The following PRICKLE4 variants were observed in gnomAD, a reference collection of about 807,000 sequenced individuals.
PRICKLE4 encodes prickle-like protein 4.
In PRICKLE4, 40 loss-of-function variants were observed where a neutral mutation model predicts 43.5. That is an observed-to-expected ratio of 0.92 (90% CI 0.71 to 1.20). The LOEUF (loss-of-function observed/expected upper bound fraction) is 1.20. Ranked by LOEUF, PRICKLE4 falls within the 50% of genes most tolerant of loss-of-function variation. The pLI, the probability that PRICKLE4 is intolerant of heterozygous loss-of-function variation, is 0.00. For synonymous variants in PRICKLE4, 208 were observed against 197.4 expected, an observed-to-expected ratio of 1.05 and a Z score of -0.45; for missense variants, 527 against 491.2, an observed-to-expected ratio of 1.07 and a Z score of -0.69.
intron 5 of PRICKLE4, 95 bp downstream of exon 5, chr6:41,785,167 G>A: frequency 6.3e-7 from 1 of 1,576,326 alleles, no homozygotes; most frequent in Non-Finnish European, 8.6e-7. Context: ...GATTCTGGTT[G>A]GGAAACAGGA....
At position 41,786,663 on chromosome 6, in the gene PRICKLE4, G is replaced by A. The variant is rs531347123; in HGVS notation, c.788-99G>A. 37 of 1,573,974 alleles carry A rather than the reference G, an allele frequency of 2.4e-5. No homozygotes were observed. In the African/African-American group the frequency reaches 4.6e-4, roughly 20 times the overall value. On this transcript the variant is annotated intron_variant, in intron 7 of 7. Transcript: ENST00000458694. ...CGGCGGCGGCGCGCACGGCCCAGGG[G>A]CTGGGCGGGGCGGGAGGCTGGGCCT...
At position 41,786,880 on chromosome 6, in the gene PRICKLE4, G is replaced by A. The variant is rs1210579826; in HGVS notation, c.906G>A (p.Leu302=). ...GGSSLQTQRG[L]PGSSPQQENR... ...CCAGCCTGCAAACTCAGAGGGGGCTGCCTGGATCCAGTCCCCAGCAGGAGA... is the reference window on the plus strand; with the variant it reads ...CCAGCCTGCAAACTCAGAGGGGGCTACCTGGATCCAGTCCCCAGCAGGAGA... The change falls in exon 8 of 8, where the codon CTG becomes CTA. Residue 302 remains leucine (L), a synonymous_variant. Transcript: ENST00000458694. 1.2e-5 allele frequency: 19 copies of A among 1,608,504 alleles called. No individual in the cohort carries two copies. Among genetic ancestry groups the A allele is most frequent in the East Asian group, 2.2e-5 (1 of 44,806 alleles).
chr6:41,785,037 G>C lies in PRICKLE4; in HGVS notation c.343G>C (p.Val115Leu), dbSNP rs1561896161. 6.2e-7 allele frequency: 1 copy of C among 1,613,392 alleles called. No individual in the cohort carries two copies. Among genetic ancestry groups the C allele is most frequent in the Non-Finnish European group, 8.5e-7 (1 of 1,179,732 alleles). Residue 115 changes from valine to leucine, a missense_variant, in exon 5 of 8, where the codon GTA becomes CTA. Physicochemically the swap from Val to Leu is conservative, Grantham distance 32. Coordinates refer to ENST00000458694, the MANE Select transcript of PRICKLE4 (RefSeq NM_013397.6). ...CCTGGGACAGGGGGTAGCCCGCCTG[G>C]TACTTCCCAAGCTTGAAGGACACAC... ...EALGQGVARL[V>L]LPKLEGHTCE...
At position 41,786,306 on chromosome 6, in the gene PRICKLE4, G is replaced by A. The variant is rs2127307491; in HGVS notation, c.761G>A (p.Gly254Glu). Residue 254 changes from glycine (G) to glutamate (E), a missense_variant, in exon 7 of 8, where the codon GGG becomes GAG. Transcript: ENST00000458694. ...TCGGATGCAGGCTCGAGCTGGGCCG[G>A]GGCACTGGAAGGGCAGGCATTCCTT... ...RYSDAGSSWA[G>E]ALEGQAFLGE... 1 of 1,573,848 alleles carries A rather than the reference G, an allele frequency of 6.4e-7. No individual in the cohort carries two copies. The highest frequency in any genetic ancestry group is 8.6e-7 in the Non-Finnish European group (1 of 1,156,140).
At chr6:41,786,709 T>A in intron 7 of PRICKLE4, 53 bp from the exon 8 acceptor site, 2 of 1,610,460 alleles carry the variant, frequency 1.2e-6, no homozygotes, top group South Asian at 2.2e-5. Context: ...AGCTGCGGTG[T>A]AGGTCCAGCT....
At chr6:41,784,013 G>C in intron 3 of PRICKLE4, 118 bp from the exon 4 acceptor site, 1 of 748,072 alleles carries the variant, frequency 1.3e-6, no homozygotes. Context: ...CTCCCAAATG[G>C]AGGGCATGCT....
Position 41,786,363 on chromosome 6 carries a change from G to C in PRICKLE4, c.787+31G>C, listed in dbSNP as rs777455613. 3 of 1,541,000 alleles carry C rather than the reference G, an allele frequency of 1.9e-6. No homozygotes were observed. The Admixed American group carries it at 5.7e-5, about 29-fold the overall frequency. ...GGAGAGGATGCAGAGCAAAGCGGGA[G>C]GGAGCTTGGGCTGGGCTGTGGGGGT... On this transcript the variant is annotated intron_variant, in intron 7 of 7. Transcript: ENST00000458694.
chr6:41,783,506 A>G lies in PRICKLE4; in HGVS notation c.33A>G (p.Gln11=). Residue 11 remains glutamine (Q), a synonymous_variant, in exon 3 of 8, where the codon CAA becomes CAG. Transcript: ENST00000458694. MSVQNSGWPH[Q]EDSPKPQDPG... ...TGCAGAACTCTGGCTGGCCCCACCA[A>G]GAAGACAGCCCCAAGCCCCAGGATC... 1.3e-6 allele frequency: 2 copies of G among 1,573,664 alleles called. No homozygotes were observed. Among genetic ancestry groups the G allele is most frequent in the Non-Finnish European group, 1.7e-6 (2 of 1,145,688 alleles).
chr6:41,784,215 C>A lies in PRICKLE4; in HGVS notation c.217C>A (p.Gln73Lys), dbSNP rs148499787. The A allele has an allele frequency of 4.3e-5, 69 of 1,612,966 alleles. No individual in the cohort carries two copies. Among genetic ancestry groups the A allele is most frequent in the Non-Finnish European group, 5.6e-5 (66 of 1,179,428 alleles). Residue 73 changes from glutamine (Q) to lysine (K), a missense_variant, in exon 4 of 8, where the codon CAA becomes AAA. By Grantham distance (53) the Gln-to-Lys change is moderately conservative. Transcript: ENST00000458694. ...NWTGLQTLLQ[Q>K]LPPQDIDERY... ...GACTGGACTTCAGACCCTCCTGCAG[C>A]AACTCCCTCCGCAGGACATTGATGT...
Position 41,787,114 on chromosome 6 carries a change from C to A in PRICKLE4, c.1140C>A (p.His380Gln). Residue 380 changes from histidine to glutamine, a missense_variant, in exon 8 of 8, where the codon CAC becomes CAA. His to Gln is a conservative substitution (Grantham distance 24, BLOSUM62 0). Transcript: ENST00000458694. ...QAEDSNASKT[H>Q]CTMC ...AGGACAGCAACGCCTCTAAGACGCA[C>A]TGCACCATGTGCTAGTGGCGCAGCT... 4 of 1,606,308 alleles carry A rather than the reference C, an allele frequency of 2.5e-6. No individual in the cohort carries two copies. The highest frequency in any genetic ancestry group is 3.4e-6 in the Non-Finnish European group (4 of 1,178,618).
chr6:41,783,075 G>A (rs1351641825), intron 2 of PRICKLE4, among the ~76,000 whole-genome samples: 2 of 152,130 alleles, frequency 1.3e-5, no homozygotes, highest in South Asian at 2.1e-4. Context: ...GTGGGTGCAT[G>A]GTGAGAAACG....
intron 7 of PRICKLE4, 84 bp downstream of exon 7, chr6:41,786,416 T>C (rs1365439564): frequency 7.1e-7 from 1 of 1,406,260 alleles, no homozygotes; most frequent in African/African-American, 1.4e-5. Context: ...CTCGCCCCGG[T>C]CCCACGCCGT....
At chr6:41,783,640 T>A in intron 3 of PRICKLE4, 35 bp downstream of exon 3, 2 of 1,613,534 alleles carry the variant, frequency 1.2e-6, no homozygotes, top group African/African-American at 1.3e-5. Flanking sequence ...GAGACCAACA[T>A]GTCCTCTATC....
In PRICKLE4 at chr6:41,787,233, G is replaced by T; in HGVS notation, c.*104G>T. 1 of 1,438,990 alleles carries T rather than the reference G, an allele frequency of 6.9e-7. No individual in the cohort carries two copies. Among genetic ancestry groups the T allele is most frequent in the Non-Finnish European group, 9.1e-7 (1 of 1,095,838 alleles). The allele number at this position is 1,438,990 out of a possible 1,614,324, so 89.1% of individuals were successfully genotyped here. ...CAATCCTAGACTGAGACGCAGTCAG[G>T]CGCACGCCCGCAAGAGGCGGCGAGG... On this transcript the variant is annotated 3_prime_UTR_variant, in exon 8 of 8. Transcript: ENST00000458694.
rs1772671036 is a variant in PRICKLE4 at position 41,786,971 on chromosome 6, G to C, written c.997G>C (p.Asp333His). 1 of 1,613,988 alleles carries C rather than the reference G, an allele frequency of 6.2e-7. No homozygotes were observed. The highest frequency in any genetic ancestry group is 1.3e-5 in the African/African-American group (1 of 74,916). ...QEQCRLETIR[D>H]PKDTPFSTCS... ...GCAATGCCGCCTGGAGACTATTCGTGATCCCAAGGACACCCCTTTCTCCAC... is the reference window on the plus strand; with the variant it reads ...GCAATGCCGCCTGGAGACTATTCGTCATCCCAAGGACACCCCTTTCTCCAC... Residue 333 changes from aspartate (D) to histidine (H), a missense_variant, in exon 8 of 8, where the codon GAT becomes CAT. Transcript: ENST00000458694.
chr6:41,783,788 C>G, intron 3 of PRICKLE4, 183 bp downstream of exon 3: 8 of 861,148 alleles, frequency 9.3e-6, no homozygotes, highest in Non-Finnish European at 1.5e-5. Flanking sequence ...TAAACTCATT[C>G]ACATGAGTAT....
chr6:41,784,653 C>T, intron 4 of PRICKLE4: 1 of 524,878 alleles, frequency 1.9e-6, no homozygotes, highest in Non-Finnish European at 3.3e-6. Flanking sequence ...TGATACTGAG[C>T]TCTTAGCTCA....
At chr6:41,783,833 C>A (rs1015298653) in intron 3 of PRICKLE4, 6 of 773,802 alleles carry the variant, frequency 7.8e-6, no homozygotes, top group African/African-American at 1.7e-5. Context: ...TATTGTCAAA[C>A]CAGACTCTAG....
intron 2 of PRICKLE4, among the ~76,000 whole-genome samples, chr6:41,782,067 CTT>C (rs557402339): frequency 5.7e-5 from 7 of 122,220 alleles, no homozygotes; most frequent in East Asian, 2.4e-4. Flanking sequence ...TTAATAGTCG[CTT>C]TTTTTTTTTT....
Sources: gnomAD v4.1 joint callset for allele counts (sites outside exome capture counted in the v4.1 genomes callset) on GRCh38, gnomAD v4.1.1 for gene constraint, MANE v1.5 for transcripts, NCBI Gene and HGNC (gene_info 2026-07-23, HGNC 2026-07-21) for gene names.